WDR90: variants seen among roughly 807,000 people sequenced by gnomAD.
WDR90 encodes the protein WD repeat domain 90, also known as WD repeat-containing protein 90.
Under a neutral mutation model 195.2 loss-of-function variants are expected in WDR90, and 238 were observed. That is an observed-to-expected ratio of 1.22 (90% CI 1.10 to 1.36). The LOEUF is 1.36. WDR90 is among the 40% of genes most tolerant of loss of function. The pLI, the probability that WDR90 is intolerant of heterozygous loss-of-function variation, is 0.00. For missense variants in WDR90, 2,734 were observed against 2,439.5 expected (o/e 1.12, Z -2.54); for synonymous variants, 1,265 against 1,052.4 (o/e 1.20, Z -3.91).
At position 658,266 on chromosome 16, in the gene WDR90, T is replaced by C. The variant is rs751210671; in HGVS notation, c.2688T>C (p.Ala896=). ...TGGCTGTGTGCTTTGGCCCTGCAGCTCTGGGCCACCTGCTGGTGTCCACCT... is the reference window on the plus strand; with the variant it reads ...TGGCTGTGTGCTTTGGCCCTGCAGCCCTGGGCCACCTGCTGGTGTCCACCT... ...SAMAVCFGPA[A]LGHLLVSTSS... is the part of the protein sequence containing the mutation. The change falls in exon 22 of 41, where the codon GCT becomes GCC. Residue 896 remains alanine, a synonymous_variant. Coordinates refer to ENST00000293879, the MANE Select transcript of WDR90 (RefSeq NM_145294.5). 3 of 1,612,600 alleles carry C rather than the reference T, an allele frequency of 1.9e-6. No individual in the cohort carries two copies. Among genetic ancestry groups the C allele is most frequent in the Non-Finnish European group, 2.5e-6 (3 of 1,179,868 alleles).
At chr16:665,290 G>A (rs903776295) in intron 34 of WDR90, 3 of 423,074 alleles carry the variant, frequency 7.1e-6, no homozygotes, top group African/African-American at 4.7e-5. Flanking sequence ...TGCTAGGGAC[G>A]CACGGCCACA....
Position 651,211 on chromosome 16 carries a change from GA to G in WDR90, c.682del (p.Ser228AlafsTer2). ...TCTGCCTGCCAAGGTTTCCAAGTGA[GA>G]GCTTGAAAGTGCCTTCCAAGCCGAT... ...RYIHVRFPSESLKVPSKPIEK... is the reference protein window; with the variant it reads ...RYIHVRFPSEXLKVPSKPIEK... On this transcript the variant is annotated frameshift_variant, in exon 7 of 41. Coordinates refer to ENST00000293879, the MANE Select transcript of WDR90 (RefSeq NM_145294.5). LOFTEE classifies it high-confidence loss of function. 6.2e-7 allele frequency: 1 copy of G among 1,613,192 alleles called. No individual in the cohort carries two copies. The highest frequency in any genetic ancestry group is 8.5e-7 in the Non-Finnish European group (1 of 1,179,992).
chr16:658,453 C>A (rs1786336272), intron 22 of WDR90, 72 bp from the exon 23 acceptor site: 1 of 1,579,214 alleles, frequency 6.3e-7, no homozygotes, highest in Admixed American at 1.7e-5. Flanking sequence ...GCCACACCCA[C>A]AACGAAGGGA....
rs1255912067 is a variant in WDR90 at position 661,735 on chromosome 16, G to A, written c.3812G>A (p.Gly1271Asp). 15 of 1,611,544 alleles carry A rather than the reference G, an allele frequency of 9.3e-6. No individual in the cohort carries two copies. The highest frequency in any genetic ancestry group is 1.3e-5 in the Non-Finnish European group (15 of 1,179,384). ...GGCGAGCTCACCTGTGTGGGCCAGG[G>A]CACTGTCACCTTCTGGCTCCTTCAG... Reference protein sequence around the residue: ...DAGELTCVGQGTVTFWLLQQR... With the variant: ...DAGELTCVGQDTVTFWLLQQR... The change falls in exon 31 of 41, where the codon GGC becomes GAC. Residue 1271 changes from glycine to aspartate, a missense_variant. Coordinates refer to ENST00000293879, the MANE Select transcript of WDR90 (RefSeq NM_145294.5).
intron 22 of WDR90, 60 bp from the exon 23 acceptor site, chr16:658,465 G>T (rs985747395): frequency 3.8e-6 from 6 of 1,582,380 alleles, no homozygotes; most frequent in Non-Finnish European, 5.2e-6. Flanking sequence ...ACGAAGGGAG[G>T]CCCCAGGCTG....
Position 650,323 on chromosome 16 carries a change from C to T in WDR90, c.349C>T (p.Gln117Ter). 6.2e-7 allele frequency: 1 copy of T among 1,612,922 alleles called. No individual in the cohort carries two copies. The highest frequency in any genetic ancestry group is 8.5e-7 in the Non-Finnish European group (1 of 1,179,966). ...KEFKSTATWL[Q>*]FPLVLEARTP... ...GTTTAAGTCTACGGCCACGTGGCTC[C>T]AGTTTCCCTTGGTCCTGGAGGCCAG... Residue 117 changes from glutamine to a stop codon, truncating the protein, a stop_gained, in exon 4 of 41, where the codon CAG becomes TAG. Coordinates refer to ENST00000293879, the MANE Select transcript of WDR90 (RefSeq NM_145294.5). LOFTEE classifies it high-confidence loss of function.
At position 661,988 on chromosome 16, in the gene WDR90, G is replaced by T. The variant is rs368329970; in HGVS notation, c.3962G>T (p.Gly1321Val). ...PPLLYCGTSS[G>V]QVCVWDTRAG... Reference sequence around the variant, plus strand: ...CTGCTCTATTGTGGCACCAGCTCTGGCCAGGTCTGTGTCTGGGACACGCGT... The same window carrying T: ...CTGCTCTATTGTGGCACCAGCTCTGTCCAGGTCTGTGTCTGGGACACGCGT... Residue 1321 changes from glycine to valine, a missense_variant, in exon 32 of 41, where the codon GGC becomes GTC. Coordinates refer to ENST00000293879, the MANE Select transcript of WDR90 (RefSeq NM_145294.5). The T allele has an allele frequency of 6.2e-7, 1 of 1,605,434 alleles. No homozygotes were observed. The highest frequency in any genetic ancestry group is 1.7e-5 in the Admixed American group (1 of 60,018).
intron 1 of WDR90, 48 bp from the exon 2 acceptor site, chr16:649,715 C>T: frequency 2.0e-6 from 3 of 1,525,120 alleles, no homozygotes; most frequent in Non-Finnish European, 2.6e-6. Flanking sequence ...GCAGTGGCCC[C>T]GGCTCGCGTG....
intron 33 of WDR90, 108 bp from the exon 34 acceptor site, chr16:662,571 G>T: frequency 3.5e-6 from 5 of 1,439,466 alleles, no homozygotes; most frequent in Non-Finnish European, 4.7e-6. Context: ...GCACAGCCAG[G>T]TCCTGAGATG....
intron 27 of WDR90, 58 bp from the exon 28 acceptor site, chr16:660,554 T>G: frequency 1.3e-6 from 2 of 1,516,426 alleles, no homozygotes; most frequent in Non-Finnish European, 1.8e-6. Flanking sequence ...ATGTGCAGGC[T>G]TTGGGGCACA....
intron 27 of WDR90, 109 bp from the exon 28 acceptor site, chr16:660,503 T>A (rs1292791077): frequency 8.8e-7 from 1 of 1,133,642 alleles, no homozygotes; most frequent in South Asian, 1.4e-5. Context: ...CCCCTGGGTG[T>A]CCTCTGCAGC....
At chr16:666,414 G>C in intron 37 of WDR90, 41 bp from the exon 38 acceptor site, 2 of 1,608,856 alleles carry the variant, frequency 1.2e-6, no homozygotes, top group Non-Finnish European at 1.7e-6. Flanking sequence ...GCACCATCTT[G>C]GCAGAAGGCA....
At position 667,591 on chromosome 16, in the gene WDR90, A is replaced by C; in HGVS notation, c.*2A>C. The C allele has an allele frequency of 6.2e-7, 1 of 1,606,478 alleles. No individual in the cohort carries two copies. Among genetic ancestry groups the C allele is most frequent in the East Asian group, 2.2e-5 (1 of 44,874 alleles). ...GTGTGGGAGGTCCCCGGCCTCTGAGATGCAGCAGGGACTGTGGTGGTGGGC... is the reference window on the plus strand; with the variant it reads ...GTGTGGGAGGTCCCCGGCCTCTGAGCTGCAGCAGGGACTGTGGTGGTGGGC... On this transcript the variant is annotated 3_prime_UTR_variant, in exon 41 of 41. Coordinates refer to ENST00000293879, the MANE Select transcript of WDR90 (RefSeq NM_145294.5).
rs1396117878 is a variant in WDR90 at position 656,431 on chromosome 16, A to T, written c.2096A>T (p.His699Leu). 6.2e-7 allele frequency: 1 copy of T among 1,602,744 alleles called. No homozygotes were observed. The highest frequency in any genetic ancestry group is 1.3e-5 in the African/African-American group (1 of 74,790). ...SRVYHMLARS[H>L]TAPVLALAME... ...GTGTACCACATGCTGGCTCGCTCCCACACCGCCCCGGTGTTGGCCCTCGCC... is the reference window on the plus strand; with the variant it reads ...GTGTACCACATGCTGGCTCGCTCCCTCACCGCCCCGGTGTTGGCCCTCGCC... The change falls in exon 18 of 41, where the codon CAC becomes CTC. Residue 699 changes from histidine to leucine, a missense_variant. Physicochemically the swap from His to Leu is moderately conservative, Grantham distance 99. Transcript: ENST00000293879.
At position 665,764 on chromosome 16, in the gene WDR90, G is replaced by A. The variant is rs2151387571; in HGVS notation, c.4397G>A (p.Ser1466Asn). Reference protein sequence around the residue: ...DGSVRVWALASMELVIQFQVL... With the variant: ...DGSVRVWALANMELVIQFQVL... ...AGTGTGCGGGTGTGGGCCTTGGCCA[G>A]CATGGAGCTTGTGATCCAGTTCCAG... The change falls in exon 35 of 41, where the codon AGC becomes AAC. Residue 1466 changes from serine (S) to asparagine (N), a missense_variant. Transcript: ENST00000293879. 6.2e-7 allele frequency: 1 copy of A among 1,602,336 alleles called. No homozygotes were observed. The highest frequency in any genetic ancestry group is 1.3e-5 in the African/African-American group (1 of 74,856).
Position 653,364 on chromosome 16 carries a change from G to A in WDR90, c.1146G>A (p.Ala382=), listed in dbSNP as rs372123771. 104 of 1,581,020 alleles carry A rather than the reference G, an allele frequency of 6.6e-5. No homozygotes were observed. The highest frequency in any genetic ancestry group is 2.3e-4 in the South Asian group (20 of 87,564). The change falls in exon 11 of 41, where the codon GCG becomes GCA. Residue 382 remains alanine (A), a synonymous_variant. Coordinates refer to ENST00000293879, the MANE Select transcript of WDR90 (RefSeq NM_145294.5). The stretch of plus-strand genomic sequence containing the variant: ...AGGCCCTGTGGACCCCAGACGGGGC[G>A]GCTGTCGTGTACCCCTGCCATGCGG... ...TRQALWTPDG[A]AVVYPCHAVI...
Position 661,590 on chromosome 16 carries a change from T to C in WDR90, c.3674-7T>C, listed in dbSNP as rs755620024. 1.3e-6 allele frequency: 2 copies of C among 1,583,444 alleles called. No individual in the cohort carries two copies. The highest frequency in any genetic ancestry group is 1.3e-5 in the African/African-American group (1 of 74,560). ...CACCTGACGTGGCTGCTCTGTGTCC[T>C]TCCCAGGGGACCACGATGGCCGCAC... On this transcript the variant is annotated splice_polypyrimidine_tract_variant and splice_region_variant and intron_variant, in intron 30 of 40. Coordinates refer to ENST00000293879, the MANE Select transcript of WDR90 (RefSeq NM_145294.5).
Position 651,307 on chromosome 16 carries a change from T to C in WDR90, c.736+41T>C, listed in dbSNP as rs367729462. The C allele has an allele frequency of 6.4e-5, 102 of 1,605,380 alleles. No individual in the cohort carries two copies. In the African/African-American group the frequency reaches 1.3e-3, roughly 20 times the overall value. ...CAGCGGGGACCCAGGTTAAGGCCTG[T>C]AGGGTGCGTGGGGCTCGGTAGGAGA... On this transcript the variant is annotated intron_variant, in intron 7 of 40. Transcript: ENST00000293879.
Position 649,412 on chromosome 16 carries a change from G to A in WDR90, c.-5G>A, listed in dbSNP as rs1596456854. ...GCCTAGGCGGGAAGCTCGAGCGGCG[G>A]CGCCATGGCCCGAGGTAGCGCGCGG... On this transcript the variant is annotated 5_prime_UTR_variant, in exon 1 of 41. Transcript: ENST00000293879. 10 of 1,314,826 alleles carry A rather than the reference G, an allele frequency of 7.6e-6. No individual in the cohort carries two copies. Among genetic ancestry groups the A allele is most frequent in the Admixed American group, 8.2e-5 (2 of 24,442 alleles). The allele number at this position is 1,314,826 out of a possible 1,614,324, so 81.4% of individuals were successfully genotyped here.
Sources: gnomAD v4.1 joint callset for allele counts on GRCh38, gnomAD v4.1.1 for gene constraint, MANE v1.5 for transcripts, NCBI Gene and HGNC (gene_info 2026-07-23, HGNC 2026-07-21) for gene names.